TBC1D22B: variants seen among roughly 807,000 people sequenced by gnomAD.
TBC1D22B encodes chromosome 6 open reading frame 197.
In TBC1D22B, 32 loss-of-function variants were observed where a neutral mutation model predicts 69.1. That is an observed-to-expected ratio of 0.46 (90% CI 0.35 to 0.62). TBC1D22B has a LOEUF of 0.62. TBC1D22B is among the 20% of genes least tolerant of loss of function. The probability of loss-of-function intolerance (pLI) is 0.00; values close to 1 mark genes in which losing one functional copy is unlikely to be tolerated. For synonymous variants in TBC1D22B, 206 were observed against 229.8 expected, an observed-to-expected ratio of 0.90 and a Z score of 0.94; for missense variants, 462 against 630.9, an observed-to-expected ratio of 0.73 and a Z score of 2.87.
At position 37,313,307 on chromosome 6, in the gene TBC1D22B, TAGAG is replaced by T. The variant is rs1767978017; in HGVS notation, c.1089+287_1089+290del. ...GAGTTCAAAACCAGCCTAGGCAACA[TAGAG>T]AGACCCCTTCTCTACAAAAAATTTT... On this transcript the variant is annotated intron_variant, in intron 9 of 12. Coordinates refer to ENST00000373491, the MANE Select transcript of TBC1D22B (RefSeq NM_017772.4). 2.6e-5 allele frequency among the ~76,000 whole-genome samples: 4 copies of T among 152,114 alleles called. No homozygotes were observed. In the Middle Eastern group the frequency reaches 0.01, roughly 388 times the overall value.
At chr6:37,286,942 C>T in intron 6 of TBC1D22B, 65 bp from the exon 7 acceptor site, 2 of 1,466,028 alleles carry the variant, frequency 1.4e-6, no homozygotes, top group Non-Finnish European at 1.9e-6. Context: ...GAGACTTCAT[C>T]TCAAAAAAAC....
At chr6:37,287,244 C>T (rs1404536991) in intron 7 of TBC1D22B, among the ~76,000 whole-genome samples, 172 bp downstream of exon 7, 5 of 152,164 alleles carry the variant, frequency 3.3e-5, no homozygotes, top group East Asian at 1.9e-4. Flanking sequence ...AATCTGTGAG[C>T]GGAATAACAC....
At chr6:37,328,452 A>G (rs1768493476) in intron 12 of TBC1D22B, among the ~76,000 whole-genome samples, 1 of 152,242 alleles carries the variant, frequency 6.6e-6, no homozygotes, top group Non-Finnish European at 1.5e-5. Context: ...ATAGTGAAAA[A>G]CCAGAAATAA....
rs1437324902 is a variant in TBC1D22B at position 37,291,348 on chromosome 6, G to A, written c.973G>A (p.Glu325Lys). 1.9e-6 allele frequency: 3 copies of A among 1,606,048 alleles called. No homozygotes were observed. The highest frequency in any genetic ancestry group is 2.7e-5 in the African/African-American group (2 of 74,556). ...TCCATTCTTTGTCGTCTTCCTCTCA[G>A]AATATGTGGGTAAGAAGCATTAGTA... is the stretch of plus-strand genomic sequence containing the variant. Reference protein sequence around the residue: ...VTPFFVVFLSEYVEEDVENFD... With the variant: ...VTPFFVVFLSKYVEEDVENFD... The change falls in exon 8 of 13, where the codon GAA becomes AAA. Residue 325 changes from glutamate (E) to lysine (K), a missense_variant. Physicochemically the swap from Glu to Lys is moderately conservative, Grantham distance 56. Coordinates refer to ENST00000373491, the MANE Select transcript of TBC1D22B (RefSeq NM_017772.4).
At position 37,317,112 on chromosome 6, in the gene TBC1D22B, C is replaced by G. The variant is rs1163402274; in HGVS notation, c.1295C>G (p.Ser432Cys). ...TAACTCTATTTTTCTGCTTCCCAGT[C>G]TGAACCAGAAGGGTTCTCCCACTTT... is the stretch of plus-strand genomic sequence containing the variant. ...CTIRLWDTYQ[S>C]EPEGFSHFHL... Residue 432 changes from serine (S) to cysteine (C), a missense_variant and splice_region_variant, in exon 12 of 13, where the codon TCT becomes TGT. Physicochemically the swap from Ser to Cys is moderately radical, Grantham distance 112. Coordinates refer to ENST00000373491, the MANE Select transcript of TBC1D22B (RefSeq NM_017772.4). The G allele has an allele frequency of 6.4e-7, 1 of 1,565,538 alleles. No individual in the cohort carries two copies. Among genetic ancestry groups the G allele is most frequent in the Non-Finnish European group, 8.7e-7 (1 of 1,153,128 alleles).
intron 9 of TBC1D22B, among the ~76,000 whole-genome samples, chr6:37,313,543 A>G (rs938627646): frequency 6.6e-6 from 1 of 151,764 alleles, no homozygotes; most frequent in Non-Finnish European, 1.5e-5. Flanking sequence ...AGTCTGCAGA[A>G]ATCTCCATGT....
chr6:37,331,510 C>G lies in TBC1D22B; in HGVS notation c.*338C>G, dbSNP rs1768582037. The G allele has an allele frequency of 5.4e-6, 1 of 186,566 alleles. No homozygotes were observed. The highest frequency in any genetic ancestry group is 2.3e-5 in the African/African-American group (1 of 42,626). 11.6% of individuals were successfully genotyped at this position (186,566 alleles called of 1,614,324 possible). ...TTGTCCCTACAAGGACAGGCCCCAA[C>G]TGATAACCGTTGCTTTTTTTTTTTT... is the stretch of plus-strand genomic sequence containing the variant. On this transcript the variant is annotated 3_prime_UTR_variant, in exon 13 of 13. Coordinates refer to ENST00000373491, the MANE Select transcript of TBC1D22B (RefSeq NM_017772.4).
intron 8 of TBC1D22B, among the ~76,000 whole-genome samples, chr6:37,310,193 C>T (rs1767860433): frequency 7.0e-6 from 1 of 141,868 alleles, no homozygotes; most frequent in Admixed American, 7.0e-5. Flanking sequence ...TGTATACTAC[C>T]ATATATAAGA....
intron 8 of TBC1D22B, among the ~76,000 whole-genome samples, chr6:37,304,048 A>G (rs1177672580): frequency 6.6e-6 from 1 of 152,244 alleles, no homozygotes; most frequent in Non-Finnish European, 1.5e-5. Flanking sequence ...TGAAAATTCC[A>G]TAACTGCAGA....
intron 3 of TBC1D22B, 151 bp downstream of exon 3, chr6:37,279,762 G>C (rs1766770378): frequency 2.2e-6 from 2 of 896,330 alleles, no homozygotes; most frequent in Admixed American, 6.0e-5. Flanking sequence ...TTAAGCCTGA[G>C]TGGTCACAAG....
At chr6:37,276,496 A>G (rs1766676781) in intron 2 of TBC1D22B, among the ~76,000 whole-genome samples, 1 of 152,132 alleles carries the variant, frequency 6.6e-6, no homozygotes, top group South Asian at 2.1e-4. Context: ...TGTCATGGGG[A>G]ATGACAGCCT....
At position 37,286,477 on chromosome 6, in the gene TBC1D22B, G is replaced by A. The variant is rs1469469502; in HGVS notation, c.802-530G>A. 1.3e-4 allele frequency among the ~76,000 whole-genome samples: 20 copies of A among 151,404 alleles called. No homozygotes were observed. The East Asian group carries it at 1.8e-3, about 14-fold the overall frequency. The stretch of plus-strand genomic sequence containing the variant: ...ACTACAGGCACCCGCCACCACGCCC[G>A]GCTAATTTTTTGTATTTTTAGTAGA... On this transcript the variant is annotated intron_variant, in intron 6 of 12. Transcript: ENST00000373491.
intron 12 of TBC1D22B, among the ~76,000 whole-genome samples, chr6:37,319,701 A>G (rs1177673177): frequency 1.3e-5 from 2 of 152,252 alleles, no homozygotes; most frequent in African/African-American, 4.8e-5. Context: ...ATGGGCGATT[A>G]AACTGGATAA....
At chr6:37,280,475 T>C (rs1409642028) in intron 3 of TBC1D22B, among the ~76,000 whole-genome samples, 1 of 152,212 alleles carries the variant, frequency 6.6e-6, no homozygotes, top group Non-Finnish European at 1.5e-5. Flanking sequence ...ACAGTTATTT[T>C]CCATCACTGA....
At chr6:37,291,131 T>C in intron 7 of TBC1D22B, 112 bp from the exon 8 acceptor site, 3 of 759,456 alleles carry the variant, frequency 4.0e-6, no homozygotes, top group Non-Finnish European at 6.8e-6. Flanking sequence ...TCTTAAAATT[T>C]TCCTAAAAAT....
chr6:37,313,947 GGCGGTTGT>G, intron 10 of TBC1D22B, 56 bp downstream of exon 10: 1 of 1,544,862 alleles, frequency 6.5e-7, no homozygotes. Flanking sequence ...TCTGTTATGA[GGCGGTTGT>G]GCTTGTGGGT....
intron 1 of TBC1D22B, among the ~76,000 whole-genome samples, chr6:37,267,502 CTA>C (rs112594532): frequency 0.16 from 521 of 3,354 alleles, 5 homozygotes; most frequent in African/African-American, 0.27. Context: ...TATATATACA[CTA>C]TATATATAAT....
intron 12 of TBC1D22B, among the ~76,000 whole-genome samples, chr6:37,330,622 G>A (rs1768556731): frequency 6.6e-6 from 1 of 151,962 alleles, no homozygotes; most frequent in Admixed American, 6.6e-5. Context: ...CTCCAGCTTG[G>A]GTGACAGAGC....
chr6:37,264,042 ATTT>A (rs11302112), intron 1 of TBC1D22B, among the ~76,000 whole-genome samples: 2 of 150,026 alleles, frequency 1.3e-5, no homozygotes. Context: ...AATGTTTTGT[ATTT>A]TTTTTTTTTA....
Sources: allele counts gnomAD v4.1 joint callset (sites outside exome capture counted in the v4.1 genomes callset), GRCh38; gene constraint gnomAD v4.1.1; transcripts MANE v1.5; gene names NCBI Gene and HGNC (gene_info 2026-07-23, HGNC 2026-07-21).